XRRA1: variants seen among roughly 807,000 people sequenced by gnomAD.
XRRA1 encodes X-ray radiation resistance associated 1.
XRRA1 carries 69 observed loss-of-function variants against 80.2 expected under a neutral mutation model. The observed-to-expected ratio is 0.86, with a 90% CI of 0.71 to 1.05. The LOEUF (loss-of-function observed/expected upper bound fraction) is 1.05. Ranked by LOEUF, XRRA1 falls within the 50% of genes least tolerant of loss-of-function variation. The probability of loss-of-function intolerance (pLI) is 0.00; values close to 1 mark genes in which losing one functional copy is unlikely to be tolerated. For synonymous variants in XRRA1, 348 were observed against 389.9 expected, an observed-to-expected ratio of 0.89 and a Z score of 1.27; for missense variants, 967 against 976.4, an observed-to-expected ratio of 0.99 and a Z score of 0.13.
chr11:74,873,405 G>A (rs1213693873), intron 10 of XRRA1, among the ~76,000 whole-genome samples: 1 of 152,116 alleles, frequency 6.6e-6, no homozygotes, highest in African/African-American at 2.4e-5. Flanking sequence ...AAATACCTGA[G>A]GGAACTAAAT....
At chr11:74,880,128 T>G (rs1237949396) in intron 10 of XRRA1, among the ~76,000 whole-genome samples, 1 of 152,144 alleles carries the variant, frequency 6.6e-6, no homozygotes, top group African/African-American at 2.4e-5. Context: ...TATTGATTAT[T>G]GCCACAATTT....
In XRRA1 at chr11:74,907,133, T is replaced by C; in HGVS notation, c.785+12A>G. On this transcript the variant is annotated intron_variant, in intron 9 of 18. Coordinates refer to ENST00000684022, the MANE Select transcript of XRRA1 (RefSeq NM_001378157.1). Reference sequence around the variant, plus strand: ...TAGAGGAGGCCCAGCAGAGAAAGGCTTATGGCTTTACCTCCTGAGCCCAGC... The same window carrying C: ...TAGAGGAGGCCCAGCAGAGAAAGGCCTATGGCTTTACCTCCTGAGCCCAGC... 6.2e-7 allele frequency: 1 copy of C among 1,613,244 alleles called. No individual in the cohort carries two copies. Among genetic ancestry groups the C allele is most frequent in the Non-Finnish European group, 8.5e-7 (1 of 1,179,822 alleles).
At chr11:74,856,853 G>C (rs1407600247) in intron 12 of XRRA1, among the ~76,000 whole-genome samples, 1 of 152,156 alleles carries the variant, frequency 6.6e-6, no homozygotes, top group East Asian at 1.9e-4. Context: ...AACCCTGTCA[G>C]CTTGGGGCAC....
chr11:74,865,156 GTGTCAGCCCT>G, intron 10 of XRRA1, among the ~76,000 whole-genome samples: 1 of 151,914 alleles, frequency 6.6e-6, no homozygotes, highest in South Asian at 2.1e-4. Flanking sequence ...GCGGGGCCCA[GTGTCAGCCCT>G]GGCCCCTCCT....
intron 10 of XRRA1, among the ~76,000 whole-genome samples, chr11:74,887,500 G>A (rs557119708): frequency 3.3e-5 from 5 of 152,264 alleles, no homozygotes; most frequent in Admixed American, 2.6e-4. Flanking sequence ...CATGAGCGAC[G>A]CAGAACACAG....
chr11:74,889,408 A>G (rs1476597570), intron 10 of XRRA1, among the ~76,000 whole-genome samples: 1 of 152,224 alleles, frequency 6.6e-6, no homozygotes, highest in African/African-American at 2.4e-5. Flanking sequence ...AGGAAGCACT[A>G]AACATGGAAA....
At chr11:74,848,810 C>T (rs1425640592) in intron 14 of XRRA1, among the ~76,000 whole-genome samples, 2 of 152,164 alleles carry the variant, frequency 1.3e-5, no homozygotes, top group Non-Finnish European at 2.9e-5. Context: ...CATGCTGCAT[C>T]CCTGACCATA....
intron 10 of XRRA1, among the ~76,000 whole-genome samples, chr11:74,900,574 C>CTCCATTT (rs2053404514): frequency 6.8e-6 from 1 of 147,676 alleles, no homozygotes; most frequent in Admixed American, 7.1e-5. Context: ...AAGAGTGAAA[C>CTCCATTT]TCCATCTCAA....
At chr11:74,891,851 T>C (rs2050798926) in intron 10 of XRRA1, among the ~76,000 whole-genome samples, 1 of 152,138 alleles carries the variant, frequency 6.6e-6, no homozygotes, top group Non-Finnish European at 1.5e-5. Flanking sequence ...TTACAAGCAA[T>C]GTGAAGGACC....
At chr11:74,848,032 G>T in intron 15 of XRRA1, 83 bp downstream of exon 15, 1 of 1,268,814 alleles carries the variant, frequency 7.9e-7, no homozygotes, top group Non-Finnish European at 1.1e-6. Context: ...GCTCCCAGCT[G>T]TCCACAGCAA....
At chr11:74,945,827 C>T (rs996254146) in intron 1 of XRRA1, among the ~76,000 whole-genome samples, 11 of 152,172 alleles carry the variant, frequency 7.2e-5, no homozygotes, top group African/African-American at 2.6e-4. Flanking sequence ...CAGAGTAAGG[C>T]ATATTTTTGC....
chr11:74,905,698 C>G (rs1016906331), intron 10 of XRRA1, among the ~76,000 whole-genome samples: 1 of 152,112 alleles, frequency 6.6e-6, no homozygotes, highest in Non-Finnish European at 1.5e-5. Context: ...TATAAACTAG[C>G]TTCACTGTGA....
rs952908565 is a variant in XRRA1, at chr11:74,882,687, T to C, written c.1004-19666A>G. ...TGATGGTGATGTACAGATGGGTTTT[T>C]GGTGTGGATGTCCTTTCTGTTTGTT... On this transcript the variant is annotated intron_variant, in intron 10 of 18. Transcript: ENST00000684022. 1.6e-4 allele frequency among the ~76,000 whole-genome samples: 24 copies of C among 151,680 alleles called. No individual in the cohort carries two copies. The East Asian group carries it at 3.7e-3, about 23-fold the overall frequency.
intron 17 of XRRA1, 79 bp downstream of exon 17, chr11:74,844,089 G>A (rs773837737): frequency 6.7e-7 from 1 of 1,487,528 alleles, no homozygotes; most frequent in Non-Finnish European, 9.4e-7. Context: ...CCCTCAGAGG[G>A]TCCCAAGGTG....
Position 74,846,919 on chromosome 11 carries a change from A to AT in XRRA1, c.1728+1195dup, listed in dbSNP as rs750070156. ...GGACAATTAGGCCAGAAAAAAAAAG[A>AT]TTTTTTTTTTTTTTTCTGAAAACAT... On this transcript the variant is annotated intron_variant, in intron 15 of 18. Coordinates refer to ENST00000684022, the MANE Select transcript of XRRA1 (RefSeq NM_001378157.1). Among the ~76,000 whole-genome samples the AT allele has an allele frequency of 5.0e-3, 696 of 140,140 alleles. 2 individuals are homozygous for AT. The highest frequency in any genetic ancestry group is 8.8e-3 in the African/African-American group (334 of 38,130). The allele number at this position is 140,140 out of a possible 152,430, so 91.9% of individuals were successfully genotyped here.
At chr11:74,859,031 G>C in intron 12 of XRRA1, 127 bp downstream of exon 12, 1 of 1,294,420 alleles carries the variant, frequency 7.7e-7, no homozygotes. Flanking sequence ...CCCACCCTGA[G>C]AATTCCTGAG....
At chr11:74,919,881 A>G in intron 8 of XRRA1, 1 of 399,720 alleles carries the variant, frequency 2.5e-6, no homozygotes, top group Admixed American at 3.2e-5. Flanking sequence ...ATGAAGATTC[A>G]CCAAATAAGC....
intron 5 of XRRA1, chr11:74,933,556 C>A: frequency 2.7e-6 from 1 of 376,852 alleles, no homozygotes; most frequent in East Asian, 4.7e-5. Flanking sequence ...ACGCCTGGCC[C>A]ATAAGGCAAT....
chr11:74,890,026 G>A (rs907547382), intron 10 of XRRA1, among the ~76,000 whole-genome samples: 16 of 152,150 alleles, frequency 1.1e-4, no homozygotes, highest in Admixed American at 4.6e-4. Flanking sequence ...TCCAGGAATT[G>A]AACTTAGCTC....
Sources: allele counts gnomAD v4.1 joint callset (sites outside exome capture counted in the v4.1 genomes callset), GRCh38; gene constraint gnomAD v4.1.1; transcripts MANE v1.5; gene names NCBI Gene and HGNC (gene_info 2026-07-23, HGNC 2026-07-21).